The following ZNF695 variants were observed in gnomAD, a reference collection of about 807,000 sequenced individuals.
The protein encoded by ZNF695 is zinc finger protein SBZF3.
Under a neutral mutation model 11.2 loss-of-function variants are expected in ZNF695, and 11 were observed. The observed-to-expected ratio is 0.98, with a 90% CI of 0.62 to 1.62. The LOEUF (loss-of-function observed/expected upper bound fraction) is 1.62. Among genes scored for constraint, ZNF695 ranks in the 40% most tolerant of loss-of-function variants. The pLI, the probability that ZNF695 is intolerant of heterozygous loss-of-function variation, is 0.00. For synonymous variants in ZNF695, 190 were observed against 201.4 expected (o/e 0.94, Z 0.48); for missense variants, 559 against 590.5 (o/e 0.95, Z 0.55).
intron 4 of ZNF695, chr1:246,968,934 C>T (rs1026359525): frequency 2.0e-5 from 3 of 152,252 alleles, no homozygotes; most frequent in Admixed American, 6.5e-5. Flanking sequence ...AACTGTTTTT[C>T]CCTCCTAGGC....
rs1263687564 is a variant in ZNF695 at position 246,985,976 on chromosome 1, T to C, written c.*991A>G. 1.0e-6 allele frequency: 1 copy of C among 985,356 alleles called. No homozygotes were observed. Among genetic ancestry groups the C allele is most frequent in the Non-Finnish European group, 1.2e-6 (1 of 829,898 alleles). The allele number at this position is 985,356 out of a possible 1,614,324, so 61.0% of individuals were successfully genotyped here. ...CACATAAACACTAGAAATGAAGGCA[T>C]GGTATCAAGTGATTTAAGACTTGAA... is the stretch of plus-strand genomic sequence containing the variant. On this transcript the variant is annotated 3_prime_UTR_variant, in exon 4 of 4. Transcript: ENST00000339986.
At chr1:246,989,635 G>A (rs1223768424) in intron 3 of ZNF695, among the ~76,000 whole-genome samples, 2 of 152,144 alleles carry the variant, frequency 1.3e-5, no homozygotes, top group East Asian at 3.9e-4. Flanking sequence ...TAACAACATT[G>A]AATGTAAATG....
At chr1:246,999,841 T>C in intron 2 of ZNF695, 71 bp downstream of exon 2, 1 of 1,472,750 alleles carries the variant, frequency 6.8e-7, no homozygotes, top group Non-Finnish European at 9.4e-7. Context: ...AAAGCAGTGA[T>C]GTGAAACTCA....
At chr1:246,971,691 G>A (rs1220000594) in intron 4 of ZNF695, among the ~76,000 whole-genome samples, 1 of 151,930 alleles carries the variant, frequency 6.6e-6, no homozygotes, top group East Asian at 1.9e-4. Context: ...TTATAATATT[G>A]GAATAAAGAG....
intron 3 of ZNF695, among the ~76,000 whole-genome samples, chr1:246,998,953 AC>A (rs1029738508): frequency 4.0e-5 from 6 of 150,910 alleles, no homozygotes; most frequent in Non-Finnish European, 2.9e-5. Flanking sequence ...GGGCGACAGA[AC>A]GAGACTCTGT....
intron 5 of ZNF695, among the ~76,000 whole-genome samples, chr1:246,958,996 T>C (rs998830258): frequency 6.6e-6 from 1 of 151,932 alleles, no homozygotes; most frequent in Non-Finnish European, 1.5e-5. Flanking sequence ...GCGAATCAGA[T>C]ACTGTGTCTT....
intron 3 of ZNF695, 148 bp downstream of exon 3, chr1:246,999,200 T>C (rs2380132): frequency 0.029 from 18,196 of 628,746 alleles, 378 homozygotes; most frequent in Middle Eastern, 0.063. Flanking sequence ...AGATAGAAGA[T>C]GCCCCTATGT....
At chr1:246,966,806 G>A (rs781486499) in intron 5 of ZNF695, 5 of 456,512 alleles carry the variant, frequency 1.1e-5, no homozygotes, top group Non-Finnish European at 4.4e-6. Flanking sequence ...AAGTCAAAAT[G>A]AGAAAGTTGT....
At chr1:246,989,180 G>C (rs192590958) in intron 3 of ZNF695, among the ~76,000 whole-genome samples, 1 of 152,006 alleles carries the variant, frequency 6.6e-6, no homozygotes, top group East Asian at 1.9e-4. Flanking sequence ...CAGGAGAATC[G>C]CTTGAACCCG....
chr1:246,971,658 G>C (rs961153966), intron 4 of ZNF695, among the ~76,000 whole-genome samples: 4 of 152,118 alleles, frequency 2.6e-5, no homozygotes, highest in African/African-American at 7.2e-5. Context: ...TTTTTCCTAG[G>C]TTATACTGTA....
chr1:246,992,299 A>G (rs1368290437), intron 3 of ZNF695, among the ~76,000 whole-genome samples: 3 of 152,226 alleles, frequency 2.0e-5, no homozygotes, highest in Non-Finnish European at 4.4e-5. Context: ...CCAGGCACAG[A>G]AAGACAAACA....
chr1:246,949,380 CAGG>C (rs1414716278), intron 5 of ZNF695, among the ~76,000 whole-genome samples: 1 of 152,058 alleles, frequency 6.6e-6, no homozygotes, highest in Admixed American at 6.6e-5. Context: ...CATCTGAGGT[CAGG>C]AGTTCAAGAT....
chr1:246,959,810 G>C (rs1049082081), intron 5 of ZNF695, among the ~76,000 whole-genome samples: 1 of 152,146 alleles, frequency 6.6e-6, no homozygotes, highest in Non-Finnish European at 1.5e-5. Context: ...AATGATGCAG[G>C]AAATTAACAG....
chr1:246,959,311 ATAT>A (rs1217933067), intron 5 of ZNF695, among the ~76,000 whole-genome samples: 20 of 20,960 alleles, frequency 9.5e-4, no homozygotes, highest in Non-Finnish European at 1.1e-3. Context: ...AAAAAAAAAA[ATAT>A]ATATATATAT....
intron 1 of ZNF695, among the ~76,000 whole-genome samples, chr1:247,005,384 T>C (rs1292672287): frequency 1.3e-5 from 2 of 152,178 alleles, no homozygotes; most frequent in African/African-American, 4.8e-5. Context: ...GATATTCATA[T>C]GCAGAAGAAT....
chr1:246,998,689 C>T (rs139147186), intron 3 of ZNF695, among the ~76,000 whole-genome samples: 2,840 of 152,278 alleles, frequency 0.019, 96 homozygotes, highest in African/African-American at 0.062. Flanking sequence ...TATTTTAGGC[C>T]GGGCGCGGTG....
chr1:247,008,056 AG>A lies in ZNF695; in HGVS notation c.-149del. ...CACCCCGCCGGCCGCAAGGAGACAAAGGCCCCGCCAGATCCCCAAGGCCGCC... is the reference window on the plus strand; with the variant it reads ...CACCCCGCCGGCCGCAAGGAGACAAAGCCCCGCCAGATCCCCAAGGCCGCC... On this transcript the variant is annotated 5_prime_UTR_variant, in exon 1 of 4. Coordinates refer to ENST00000339986, the MANE Select transcript of ZNF695 (RefSeq NM_020394.5). 2.5e-6 allele frequency: 2 copies of A among 788,888 alleles called. No homozygotes were observed. The highest frequency in any genetic ancestry group is 3.6e-6 in the Non-Finnish European group (2 of 561,346). 48.9% of individuals were successfully genotyped at this position (788,888 alleles called of 1,614,324 possible).
At position 246,985,454 on chromosome 1, in the gene ZNF695, G is replaced by T; in HGVS notation, c.*1513C>A. Reference sequence around the variant, plus strand: ...AAATTATTTGAAGTTTAATGCCACTGGGAGAAGGGATCATTAGAGATACTA... The same window carrying T: ...AAATTATTTGAAGTTTAATGCCACTTGGAGAAGGGATCATTAGAGATACTA... On this transcript the variant is annotated 3_prime_UTR_variant, in exon 4 of 4. Coordinates refer to ENST00000339986, the MANE Select transcript of ZNF695 (RefSeq NM_020394.5). 1 of 985,262 alleles carries T rather than the reference G, an allele frequency of 1.0e-6. No homozygotes were observed. The highest frequency in any genetic ancestry group is 1.2e-6 in the Non-Finnish European group (1 of 829,870). 61.0% of individuals were successfully genotyped at this position (985,262 alleles called of 1,614,324 possible).
chr1:246,953,997 G>T (rs1257936694), intron 5 of ZNF695, among the ~76,000 whole-genome samples: 1 of 151,546 alleles, frequency 6.6e-6, no homozygotes, highest in Non-Finnish European at 1.5e-5. Context: ...AAAACTCAGG[G>T]TAAGTGTAGA....
Sources: allele counts gnomAD v4.1 joint callset (sites outside exome capture counted in the v4.1 genomes callset), GRCh38; gene constraint gnomAD v4.1.1; transcripts MANE v1.5; gene names NCBI Gene and HGNC (gene_info 2026-07-23, HGNC 2026-07-21).